The following ELMO1 variants were observed in gnomAD, a reference collection of about 807,000 sequenced individuals.
ELMO1 encodes the protein engulfment and cell motility 1, also known as engulfment and cell motility protein 1.
Under a neutral mutation model 98.9 loss-of-function variants are expected in ELMO1, and 26 were observed. The ratio of observed to expected loss-of-function variants is 0.26; its 90% CI spans 0.19 to 0.36. The LOEUF (loss-of-function observed/expected upper bound fraction) is 0.36, where lower values mean the gene tolerates loss of function less well. Ranked by LOEUF, ELMO1 falls within the 10% of genes least tolerant of loss-of-function variation. The pLI is 1.00. For missense variants in ELMO1, 627 were observed against 935.2 expected (o/e 0.67, Z 4.30); for synonymous variants, 346 against 346.0 (o/e 1.00, Z 0.00).
chr7:36,919,257 A>G, intron 16 of ELMO1: 1 of 404,424 alleles, frequency 2.5e-6, no homozygotes, highest in South Asian at 2.0e-5. Context: ...GACTAGGATA[A>G]TCGTTCATGT....
chr7:37,313,964 T>C (rs1018664271), intron 4 of ELMO1, among the ~76,000 whole-genome samples: 1 of 152,212 alleles, frequency 6.6e-6, no homozygotes, highest in African/African-American at 2.4e-5. Context: ...GCCCCCAAGA[T>C]TATCAGTTTA....
Position 37,169,644 on chromosome 7 carries a change from G to T in ELMO1, c.1087-36410C>A, listed in dbSNP as rs181421308. 3.9e-4 allele frequency among the ~76,000 whole-genome samples: 59 copies of T among 152,314 alleles called. No individual in the cohort carries two copies. The South Asian group carries it at 5.4e-3, about 14-fold the overall frequency. ...AGACATTTCAAAATTTCAAGCTTTTGCTTTTTCTTTTTACATTTTCACTTT... is the reference window on the plus strand; with the variant it reads ...AGACATTTCAAAATTTCAAGCTTTTTCTTTTTCTTTTTACATTTTCACTTT... On this transcript the variant is annotated intron_variant, in intron 13 of 21. Coordinates refer to ENST00000310758, the MANE Select transcript of ELMO1 (RefSeq NM_014800.11).
intron 13 of ELMO1, among the ~76,000 whole-genome samples, chr7:37,170,904 C>A (rs1790108675): frequency 6.6e-6 from 1 of 152,096 alleles, no homozygotes; most frequent in Admixed American, 6.6e-5. Flanking sequence ...CCATGCCTGG[C>A]TGAACTTTCA....
At chr7:37,324,288 C>T (rs547492001) in intron 2 of ELMO1, among the ~76,000 whole-genome samples, 4 of 152,292 alleles carry the variant, frequency 2.6e-5, no homozygotes, top group South Asian at 2.1e-4. Context: ...AGACTGGCAG[C>T]GCCCCCAGCC....
At chr7:37,429,101 A>C (rs1405152130) in intron 1 of ELMO1, among the ~76,000 whole-genome samples, 2 of 152,188 alleles carry the variant, frequency 1.3e-5, no homozygotes, top group Non-Finnish European at 2.9e-5. Flanking sequence ...AGGAAAAGCC[A>C]AGTGATATTT....
At chr7:37,402,026 T>C (rs1803559007) in intron 1 of ELMO1, among the ~76,000 whole-genome samples, 1 of 152,168 alleles carries the variant, frequency 6.6e-6, no homozygotes, top group African/African-American at 2.4e-5. Context: ...AATACACAGG[T>C]TTACCCGCTT....
intron 2 of ELMO1, among the ~76,000 whole-genome samples, chr7:37,337,523 TAAA>T (rs57584545): frequency 0.39 from 52,153 of 132,282 alleles, 9,211 homozygotes; most frequent in East Asian, 0.52. Context: ...ACTTAAAGTA[TAAA>T]AAAAAAAAAA....
chr7:36,887,595 G>C lies in ELMO1; in HGVS notation c.1679C>G (p.Thr560Ser), dbSNP rs1805140874. ...QQRLNRLVEGTCFRKLNARRR... is the reference protein window; with the variant it reads ...QQRLNRLVEGSCFRKLNARRR... ...CCGGGCATTGAGTTTCCTAAAGCAG[G>C]TCCCTTCCACAAGGCGGTTCAGGCG... The change falls in exon 18 of 22, where the codon ACC (threonine) becomes AGC (serine). Residue 560 changes from threonine to serine, a missense_variant. Transcript: ENST00000310758. The C allele has an allele frequency of 6.2e-7, 1 of 1,613,934 alleles. No homozygotes were observed. The highest frequency in any genetic ancestry group is 8.5e-7 in the Non-Finnish European group (1 of 1,179,954).
chr7:36,943,853 T>C (rs1787254805), intron 16 of ELMO1, among the ~76,000 whole-genome samples: 1 of 152,220 alleles, frequency 6.6e-6, no homozygotes. Context: ...TGGCTTTCCA[T>C]GAAAGTCATG....
At chr7:37,249,229 G>T (rs1795183159) in intron 6 of ELMO1, among the ~76,000 whole-genome samples, 2 of 152,190 alleles carry the variant, frequency 1.3e-5, no homozygotes, top group East Asian at 3.9e-4. Flanking sequence ...GTTAATATGA[G>T]ATGGAGGGAA....
intron 16 of ELMO1, among the ~76,000 whole-genome samples, chr7:36,910,500 A>T (rs1190371141): frequency 6.6e-6 from 1 of 152,224 alleles, no homozygotes; most frequent in East Asian, 1.9e-4. Context: ...GTCAATGGAA[A>T]GACAACTGCT....
At chr7:37,130,019 C>A (rs1256679732) in intron 14 of ELMO1, among the ~76,000 whole-genome samples, 1 of 152,172 alleles carries the variant, frequency 6.6e-6, no homozygotes, top group Admixed American at 6.5e-5. Context: ...TCCATCTCTT[C>A]CCTTCACCTA....
At chr7:36,963,834 C>G (rs1182887185) in intron 16 of ELMO1, among the ~76,000 whole-genome samples, 6 of 152,136 alleles carry the variant, frequency 3.9e-5, no homozygotes, top group Admixed American at 6.5e-5. Context: ...CCCCTGGGTA[C>G]TGTGTGTTAA....
At chr7:37,035,749 G>A (rs1278634498) in intron 15 of ELMO1, among the ~76,000 whole-genome samples, 1 of 152,172 alleles carries the variant, frequency 6.6e-6, no homozygotes, top group Non-Finnish European at 1.5e-5. Context: ...AAATAAAAGA[G>A]AACTATGAGA....
intron 4 of ELMO1, among the ~76,000 whole-genome samples, chr7:37,309,630 G>A (rs73112614): frequency 1.8e-3 from 272 of 152,336 alleles, no homozygotes; most frequent in Middle Eastern, 6.8e-3. Flanking sequence ...TTTCCTGGGC[G>A]TGAGTTTGCT....
intron 14 of ELMO1, among the ~76,000 whole-genome samples, chr7:37,127,838 G>A (rs1273779649): frequency 6.6e-6 from 1 of 152,154 alleles, no homozygotes; most frequent in Non-Finnish European, 1.5e-5. Context: ...CTTCAGCCAA[G>A]CTAAAACCAG....
At chr7:37,013,487 C>A (rs759530033) in intron 15 of ELMO1, 52 bp from the exon 16 acceptor site, 4 of 1,597,298 alleles carry the variant, frequency 2.5e-6, no homozygotes, top group Non-Finnish European at 3.4e-6. Context: ...CAGTGAAACA[C>A]GAGAACATAA....
At chr7:37,108,993 A>G (rs1209320495) in intron 14 of ELMO1, among the ~76,000 whole-genome samples, 1 of 152,178 alleles carries the variant, frequency 6.6e-6, no homozygotes, top group Non-Finnish European at 1.5e-5. Context: ...TCATTTGTGG[A>G]TTTAATCAGA....
chr7:37,322,477 C>G (rs1799570437), intron 2 of ELMO1, among the ~76,000 whole-genome samples: 1 of 152,090 alleles, frequency 6.6e-6, no homozygotes, highest in South Asian at 2.1e-4. Context: ...ATTAGCCAGG[C>G]ATGGTGGTGG....
Sources: allele counts gnomAD v4.1 joint callset (sites outside exome capture counted in the v4.1 genomes callset), GRCh38; gene constraint gnomAD v4.1.1; transcripts MANE v1.5; gene names NCBI Gene and HGNC (gene_info 2026-07-23, HGNC 2026-07-21).